SYT16: variants seen among roughly 807,000 people sequenced by gnomAD.
SYT16 encodes the protein synaptotagmin-16.
In SYT16, 42 loss-of-function variants were observed where a neutral mutation model predicts 61.4. The observed-to-expected ratio is 0.68, with a 90% CI of 0.53 to 0.89. The LOEUF (loss-of-function observed/expected upper bound fraction) is 0.89. SYT16 is among the 40% of genes least tolerant of loss of function. SYT16 has a pLI of 0.00. For missense variants in SYT16, 804 were observed against 807.3 expected, an observed-to-expected ratio of 1.00 and a Z score of 0.05; for synonymous variants, 314 against 302.3, an observed-to-expected ratio of 1.04 and a Z score of -0.40.
intron 2 of SYT16, among the ~76,000 whole-genome samples, chr14:61,971,855 C>T (rs2051573190): frequency 6.6e-6 from 1 of 152,172 alleles, no homozygotes; most frequent in African/African-American, 2.4e-5. Context: ...TTACAGCTTG[C>T]CATGCAAAAG....
At chr14:61,979,249 T>A (rs1023579638) in intron 2 of SYT16, among the ~76,000 whole-genome samples, 10 of 152,228 alleles carry the variant, frequency 6.6e-5, no homozygotes, top group Non-Finnish European at 1.5e-5. Context: ...GAGGAACATT[T>A]AGCCATGTGC....
intron 1 of SYT16, among the ~76,000 whole-genome samples, chr14:61,916,908 C>T (rs926992394): frequency 4.6e-5 from 7 of 152,252 alleles, no homozygotes; most frequent in Admixed American, 4.6e-4. Context: ...TAGTTGTTGA[C>T]AATGACAGGA....
At chr14:61,881,112 T>A (rs2047682311) in intron 1 of SYT16, among the ~76,000 whole-genome samples, 1 of 152,194 alleles carries the variant, frequency 6.6e-6, no homozygotes, top group African/African-American at 2.4e-5. Flanking sequence ...TGTTTGTGTT[T>A]TTATTATATT....
intron 7 of SYT16, among the ~76,000 whole-genome samples, chr14:62,091,768 G>C (rs1385810297): frequency 1.3e-5 from 2 of 151,858 alleles, no homozygotes; most frequent in Non-Finnish European, 1.5e-5. Context: ...GAAAACATAG[G>C]GCAAAAACTT....
chr14:61,933,136 C>T (rs1418698014), intron 1 of SYT16, among the ~76,000 whole-genome samples: 2 of 152,108 alleles, frequency 1.3e-5, no homozygotes, highest in Non-Finnish European at 2.9e-5. Flanking sequence ...ATTCTTTTGT[C>T]GGTTTATGGA....
At chr14:61,932,370 A>C (rs1165926288) in intron 1 of SYT16, among the ~76,000 whole-genome samples, 1 of 152,356 alleles carries the variant, frequency 6.6e-6, no homozygotes, top group South Asian at 2.1e-4. Context: ...AGTAGTTTAT[A>C]AAGAAAAGAG....
chr14:61,819,973 T>C (rs1326679051), intron 1 of SYT16, among the ~76,000 whole-genome samples: 1 of 152,220 alleles, frequency 6.6e-6, no homozygotes, highest in East Asian at 1.9e-4. Context: ...TCCAATGGCG[T>C]GTACCTCCCC....
At chr14:62,081,835 A>G (rs2056718804) in intron 6 of SYT16, among the ~76,000 whole-genome samples, 1 of 152,180 alleles carries the variant, frequency 6.6e-6, no homozygotes, top group South Asian at 2.1e-4. Flanking sequence ...GTTATATGTC[A>G]TGTAGTATGC....
intron 1 of SYT16, among the ~76,000 whole-genome samples, chr14:61,965,676 T>G (rs931915535): frequency 2.0e-5 from 3 of 152,066 alleles, no homozygotes; most frequent in Non-Finnish European, 4.4e-5. Context: ...GTGTAGGGAA[T>G]GTTTAATATC....
At chr14:61,933,543 G>C (rs2049859187) in intron 1 of SYT16, among the ~76,000 whole-genome samples, 1 of 152,178 alleles carries the variant, frequency 6.6e-6, no homozygotes, top group Non-Finnish European at 1.5e-5. Flanking sequence ...GAGATGCCAG[G>C]AGAAACAAAA....
At chr14:62,060,651 G>A (rs941421733) in intron 3 of SYT16, among the ~76,000 whole-genome samples, 1 of 151,678 alleles carries the variant, frequency 6.6e-6, no homozygotes, top group Non-Finnish European at 1.5e-5. Flanking sequence ...AACCAACCTT[G>A]CCTCTCTAGG....
At chr14:62,072,121 C>T (rs2056320618) in intron 4 of SYT16, among the ~76,000 whole-genome samples, 1 of 152,114 alleles carries the variant, frequency 6.6e-6, no homozygotes, top group Admixed American at 6.5e-5. Context: ...AATAATAGTC[C>T]ATTTCCTGGG....
intron 1 of SYT16, among the ~76,000 whole-genome samples, chr14:61,956,097 C>G (rs2610536): frequency 6.6e-6 from 1 of 151,822 alleles, no homozygotes; most frequent in African/African-American, 2.4e-5. Context: ...TACATGCCAT[C>G]TTTGGAGAAA....
rs1344394992 is a variant in SYT16, at chr14:61,865,069, A to C, written c.-325+52259A>C. Reference sequence around the variant, plus strand: ...TGCGGAGCTGCAGGCTCGACTGTGCAGCTTGCGGGAAATGGCCCACTGTGA... The same window carrying C: ...TGCGGAGCTGCAGGCTCGACTGTGCCGCTTGCGGGAAATGGCCCACTGTGA... On this transcript the variant is annotated intron_variant, in intron 1 of 7. Coordinates refer to ENST00000683842, the MANE Select transcript of SYT16 (RefSeq NM_001367656.1). The C allele has an allele frequency of 5.0e-6, 7 of 1,391,010 alleles. No individual in the cohort carries two copies. In the East Asian group the frequency reaches 1.6e-4, roughly 32 times the overall value. The allele number at this position is 1,391,010 out of a possible 1,614,324, so 86.2% of individuals were successfully genotyped here.
At chr14:62,047,194 C>A (rs1419402000) in intron 3 of SYT16, among the ~76,000 whole-genome samples, 2 of 152,174 alleles carry the variant, frequency 1.3e-5, no homozygotes, top group Non-Finnish European at 2.9e-5. Flanking sequence ...CTTCACATCC[C>A]TTGCAAGTTG....
At chr14:61,858,419 C>T (rs560334984) in intron 1 of SYT16, among the ~76,000 whole-genome samples, 2 of 152,212 alleles carry the variant, frequency 1.3e-5, no homozygotes, top group South Asian at 2.1e-4. Context: ...CAGTTCTTCC[C>T]ACCAATACAT....
chr14:62,098,826 A>G (rs543286044), intron 7 of SYT16, among the ~76,000 whole-genome samples: 3 of 152,298 alleles, frequency 2.0e-5, no homozygotes, highest in South Asian at 2.1e-4. Flanking sequence ...AGTGGAGACT[A>G]TAAGAGGGTT....
At chr14:61,986,198 A>G in intron 2 of SYT16, among the ~76,000 whole-genome samples, 1 of 152,168 alleles carries the variant, frequency 6.6e-6, no homozygotes, top group Non-Finnish European at 1.5e-5. Flanking sequence ...CAGACCCCTG[A>G]TTATTATTGT....
intron 1 of SYT16, among the ~76,000 whole-genome samples, chr14:61,907,366 A>G (rs1211293072): frequency 6.6e-6 from 1 of 152,226 alleles, no homozygotes; most frequent in Non-Finnish European, 1.5e-5. Context: ...AATCTGCATT[A>G]ATTATCTTTT....
Sources: allele counts gnomAD v4.1 joint callset (sites outside exome capture counted in the v4.1 genomes callset), GRCh38; gene constraint gnomAD v4.1.1; transcripts MANE v1.5; gene names NCBI Gene and HGNC (gene_info 2026-07-23, HGNC 2026-07-21).